The following PCDH15 variants were observed in gnomAD, a reference collection of about 807,000 sequenced individuals.
PCDH15 encodes protocadherin related 15, also known as protocadherin-15.
In PCDH15, 129 loss-of-function variants were observed where a neutral mutation model predicts 178.5. The ratio of observed to expected loss-of-function variants is 0.72; its 90% CI spans 0.63 to 0.84. PCDH15 has a LOEUF of 0.84. PCDH15 is among the 40% of genes least tolerant of loss of function. PCDH15 has a pLI of 0.00. For missense variants in PCDH15, 2,230 were observed against 2,099.9 expected (o/e 1.06, Z -1.21); for synonymous variants, 800 against 732.0 (o/e 1.09, Z -1.50).
At chr10:55,326,072 T>C (rs933346506) in intron 2 of PCDH15, among the ~76,000 whole-genome samples, 1 of 152,096 alleles carries the variant, frequency 6.6e-6, no homozygotes, top group African/African-American at 2.4e-5. Context: ...TAGTTATTAT[T>C]AGAACATCAA....
chr10:54,896,107 G>A (rs376744077), intron 3 of PCDH15, among the ~76,000 whole-genome samples: 3 of 151,970 alleles, frequency 2.0e-5, no homozygotes, highest in South Asian at 2.1e-4. Flanking sequence ...GGCTGGTCTC[G>A]AACTCCTGAC....
At chr10:54,707,284 G>T (rs1160844653) in intron 1 of PCDH15, among the ~76,000 whole-genome samples, 1 of 152,152 alleles carries the variant, frequency 6.6e-6, no homozygotes, top group Non-Finnish European at 1.5e-5. Flanking sequence ...TAGGAAAAAT[G>T]AGTAGTACAT....
intron 2 of PCDH15, among the ~76,000 whole-genome samples, chr10:55,489,530 TGAATAATTCTGGTATG>T (rs1292679492): frequency 3.3e-5 from 5 of 151,692 alleles, no homozygotes; most frequent in African/African-American, 9.7e-5. Context: ...TGTTACCCCA[TGAATAATTCTGGTATG>T]GAAAGCTACC....
At chr10:54,090,365 G>C (rs1429218133) in intron 15 of PCDH15, among the ~76,000 whole-genome samples, 1 of 152,162 alleles carries the variant, frequency 6.6e-6, no homozygotes, top group Non-Finnish European at 1.5e-5. Context: ...GCTGCTGGCT[G>C]GGCACAGTGG....
At chr10:55,118,317 T>C (rs1027696308) in intron 2 of PCDH15, among the ~76,000 whole-genome samples, 2 of 152,192 alleles carry the variant, frequency 1.3e-5, no homozygotes, top group African/African-American at 4.8e-5. Flanking sequence ...GTTCTCCTTA[T>C]CTTACTTTAT....
intron 2 of PCDH15, among the ~76,000 whole-genome samples, chr10:55,436,867 G>GA (rs997868946): frequency 6.6e-6 from 1 of 152,058 alleles, no homozygotes; most frequent in Non-Finnish European, 1.5e-5. Context: ...GTATCATTCA[G>GA]AAAAAAATAA....
At chr10:54,955,321 T>C (rs1416473942) in intron 2 of PCDH15, among the ~76,000 whole-genome samples, 1 of 151,370 alleles carries the variant, frequency 6.6e-6, no homozygotes, top group African/African-American at 2.4e-5. Flanking sequence ...CATCTGTAAA[T>C]TGTACCAATG....
chr10:54,262,240 G>A (rs1481677814), intron 8 of PCDH15, among the ~76,000 whole-genome samples: 2 of 152,078 alleles, frequency 1.3e-5, no homozygotes, highest in Non-Finnish European at 2.9e-5. Flanking sequence ...CATCCCACAA[G>A]TCTCCATTTC....
chr10:53,981,896 GA>G (rs2090676481), intron 21 of PCDH15, among the ~76,000 whole-genome samples: 1 of 149,832 alleles, frequency 6.7e-6, no homozygotes, highest in East Asian at 2.0e-4. Context: ...TACAAAATGG[GA>G]GAAAATTTTC....
chr10:54,977,426 T>G (rs1049399861), intron 2 of PCDH15, among the ~76,000 whole-genome samples: 2 of 152,084 alleles, frequency 1.3e-5, no homozygotes, highest in Non-Finnish European at 2.9e-5. Flanking sequence ...TATAGTACAT[T>G]AGTACACTAA....
intron 21 of PCDH15, among the ~76,000 whole-genome samples, chr10:53,976,155 T>A (rs574458770): frequency 6.6e-6 from 1 of 152,140 alleles, no homozygotes; most frequent in Non-Finnish European, 1.5e-5. Context: ...TACCGTGTTG[T>A]TTTGATTACT....
chr10:53,973,819 T>A (rs1464996207), intron 21 of PCDH15, among the ~76,000 whole-genome samples: 1 of 152,188 alleles, frequency 6.6e-6, no homozygotes, highest in Non-Finnish European at 1.5e-5. Context: ...CAACAAATAC[T>A]TAGATATGAG....
intron 3 of PCDH15, among the ~76,000 whole-genome samples, chr10:54,475,855 C>A (rs2078237604): frequency 6.6e-6 from 1 of 150,814 alleles, no homozygotes; most frequent in Admixed American, 6.6e-5. Context: ...AAACTGTCAA[C>A]AAATTCCCCC....
rs554086873 is a variant in PCDH15, at chr10:55,298,961, A to T, written c.-156+20638T>A. 3.9e-5 allele frequency among the ~76,000 whole-genome samples: 6 copies of T among 152,300 alleles called. No individual in the cohort carries two copies. In the East Asian group the frequency reaches 1.2e-3, roughly 29 times the overall value. ...TCTCATAAGTATTAGCTTCAATGCC[A>T]TGTACCTAGAAGGTCCCTCTCAAAA... On this transcript the variant is annotated intron_variant, in intron 1 of 5. Coordinates refer to the PCDH15 transcript ENST00000458638.
intron 30 of PCDH15, among the ~76,000 whole-genome samples, chr10:53,829,524 T>C (rs1204595716): frequency 6.6e-6 from 1 of 152,196 alleles, no homozygotes; most frequent in Non-Finnish European, 1.5e-5. Context: ...GGATTTAACA[T>C]TATAATTAAT....
intron 8 of PCDH15, among the ~76,000 whole-genome samples, chr10:54,295,920 G>A (rs1208665638): frequency 1.2e-4 from 18 of 150,930 alleles, no homozygotes; most frequent in Non-Finnish European, 2.2e-4. Context: ...CGAGGCGGGC[G>A]GATCACGAGG....
intron 28 of PCDH15, among the ~76,000 whole-genome samples, chr10:53,846,846 C>T (rs747861207): frequency 2.0e-5 from 3 of 151,878 alleles, no homozygotes; most frequent in Non-Finnish European, 4.4e-5. Context: ...GCCATAATCT[C>T]AATTACCCAT....
chr10:54,399,527 T>G (rs1446446380), intron 3 of PCDH15, among the ~76,000 whole-genome samples: 2 of 152,132 alleles, frequency 1.3e-5, no homozygotes, highest in Non-Finnish European at 2.9e-5. Context: ...GGTGTCTGAC[T>G]TTCACTTGAC....
intron 28 of PCDH15, among the ~76,000 whole-genome samples, chr10:53,854,138 C>A (rs2078574828): frequency 6.6e-6 from 1 of 151,820 alleles, no homozygotes; most frequent in African/African-American, 2.4e-5. Flanking sequence ...GAATATCATG[C>A]TAAGTGAAAT....
Sources: gnomAD v4.1 joint callset for allele counts (sites outside exome capture counted in the v4.1 genomes callset) on GRCh38, gnomAD v4.1.1 for gene constraint, MANE v1.5 for transcripts, NCBI Gene and HGNC (gene_info 2026-07-23, HGNC 2026-07-21) for gene names.